The following IPO9 variants were observed in gnomAD, a reference collection of about 807,000 sequenced individuals.
IPO9 encodes the protein importin-9.
Under a neutral mutation model 128.6 loss-of-function variants are expected in IPO9, and 28 were observed. That is an observed-to-expected ratio of 0.22 (90% CI 0.16 to 0.30). The LOEUF is 0.30. Ranked by LOEUF, IPO9 falls within the 10% of genes least tolerant of loss-of-function variation. The pLI, the probability that IPO9 is intolerant of heterozygous loss-of-function variation, is 1.00. For synonymous variants in IPO9, 455 were observed against 475.8 expected (o/e 0.96, Z 0.57); for missense variants, 935 against 1,293.9 (o/e 0.72, Z 4.26).
intron 1 of IPO9, among the ~76,000 whole-genome samples, chr1:201,829,779 C>G (rs922890446): frequency 6.6e-6 from 1 of 152,124 alleles, no homozygotes; most frequent in East Asian, 1.9e-4. Flanking sequence ...GTAGGGGGAG[C>G]TATTAGTAGG....
intron 14 of IPO9, among the ~76,000 whole-genome samples, chr1:201,864,641 T>C (rs576529326): frequency 6.6e-6 from 1 of 152,334 alleles, no homozygotes; most frequent in African/African-American, 2.4e-5. Flanking sequence ...AGGAGTTTGG[T>C]ATGAATGTGA....
chr1:201,875,140 T>C lies in IPO9; in HGVS notation c.2939-12T>C. The C allele has an allele frequency of 1.2e-6, 2 of 1,612,392 alleles. No individual in the cohort carries two copies. The highest frequency in any genetic ancestry group is 1.7e-6 in the Non-Finnish European group (2 of 1,178,394). ...TTGTCCTGACCCGCCCTGTGTTGGC[T>C]ATGTCTAACAGAGGAGGATTACTAC... On this transcript the variant is annotated splice_polypyrimidine_tract_variant and intron_variant, in intron 22 of 23. Transcript: ENST00000361565.
chr1:201,855,003 T>C (rs1359547630), intron 8 of IPO9, 80 bp downstream of exon 8: 3 of 1,355,454 alleles, frequency 2.2e-6, no homozygotes, highest in Non-Finnish European at 3.1e-6. Flanking sequence ...TTCATATGGT[T>C]CCACTCTTCT....
At chr1:201,843,994 A>G (rs753086648) in intron 1 of IPO9, among the ~76,000 whole-genome samples, 28 of 152,146 alleles carry the variant, frequency 1.8e-4, no homozygotes, top group African/African-American at 4.6e-4. Context: ...AAGAATTCCA[A>G]TTAATAAAGT....
In IPO9 at chr1:201,878,801, AAG is replaced by A. The variant is rs939753941; in HGVS notation, c.*2749_*2750del. 2.0e-5 allele frequency: 3 copies of A among 152,236 alleles called. No individual in the cohort carries two copies. Among genetic ancestry groups the A allele is most frequent in the African/African-American group, 7.2e-5 (3 of 41,456 alleles). 9.4% of individuals were successfully genotyped at this position (152,236 alleles called of 1,614,324 possible). A position where few individuals can be genotyped will look rare whatever the true frequency, so the allele number is the denominator to read the frequency against. ...GTGTCCAGTGTCAGCAGGAAGAAAA[AAG>A]ATCTGTTGGAGGCCAGTACATGTTG... is the stretch of plus-strand genomic sequence containing the variant. On this transcript the variant is annotated 3_prime_UTR_variant, in exon 24 of 24. Coordinates refer to ENST00000361565, the MANE Select transcript of IPO9 (RefSeq NM_018085.5).
At chr1:201,848,183 G>A (rs1571543698) in intron 3 of IPO9, among the ~76,000 whole-genome samples, 1 of 152,206 alleles carries the variant, frequency 6.6e-6, no homozygotes, top group African/African-American at 2.4e-5. Flanking sequence ...TAATAGCTAT[G>A]TATAGCTAGT....
intron 1 of IPO9, among the ~76,000 whole-genome samples, chr1:201,843,129 C>T (rs938603566): frequency 6.6e-6 from 1 of 152,192 alleles, no homozygotes; most frequent in African/African-American, 2.4e-5. Context: ...TTCCTCAGTG[C>T]ACCCCCTTCA....
chr1:201,847,770 G>A (rs1172440940), intron 3 of IPO9, 132 bp downstream of exon 3: 1 of 680,778 alleles, frequency 1.5e-6, no homozygotes, highest in Non-Finnish European at 2.6e-6. Flanking sequence ...GGCTGGCATT[G>A]CGGGCATAGG....
At chr1:201,830,654 A>C (rs1679816997) in intron 1 of IPO9, among the ~76,000 whole-genome samples, 1 of 152,250 alleles carries the variant, frequency 6.6e-6, no homozygotes, top group African/African-American at 2.4e-5. Flanking sequence ...TCTAAATAAA[A>C]TTCGTTTATG....
At chr1:201,853,596 G>C (rs2102877801) in intron 6 of IPO9, among the ~76,000 whole-genome samples, 1 of 152,072 alleles carries the variant, frequency 6.6e-6, no homozygotes. Context: ...TGTCACCCAG[G>C]CTGGAATGCA....
At chr1:201,862,995 T>C (rs1380464772) in intron 13 of IPO9, among the ~76,000 whole-genome samples, 1 of 152,094 alleles carries the variant, frequency 6.6e-6, no homozygotes, top group Admixed American at 6.6e-5. Flanking sequence ...TCATACAAGG[T>C]TATGCTTTTT....
chr1:201,869,853 G>T, intron 17 of IPO9, 135 bp downstream of exon 17: 1 of 1,159,240 alleles, frequency 8.6e-7, no homozygotes, highest in Non-Finnish European at 1.2e-6. Flanking sequence ...AGCAGATTCA[G>T]GAAGGGTTCA....
rs1354177183 is a variant in IPO9 at position 201,872,705 on chromosome 1, C to G, written c.2577-123C>G. 1.2e-5 allele frequency: 13 copies of G among 1,107,362 alleles called. No individual in the cohort carries two copies. In the Admixed American group the frequency reaches 3.0e-4, roughly 26 times the overall value. The allele number at this position is 1,107,362 out of a possible 1,614,324, so 68.6% of individuals were successfully genotyped here. ...TTTCAGCTGAACTCTCTTAGCTCTCCTAATTAGTTGTTAACGGAATTTTCA... is the reference window on the plus strand; with the variant it reads ...TTTCAGCTGAACTCTCTTAGCTCTCGTAATTAGTTGTTAACGGAATTTTCA... On this transcript the variant is annotated intron_variant, in intron 19 of 23. Transcript: ENST00000361565.
At chr1:201,863,209 G>T (rs1050450611) in intron 13 of IPO9, among the ~76,000 whole-genome samples, 1 of 151,990 alleles carries the variant, frequency 6.6e-6, no homozygotes, top group Non-Finnish European at 1.5e-5. Context: ...AAAATTAGCC[G>T]GGCATGGTGG....
intron 20 of IPO9, 87 bp downstream of exon 20, chr1:201,873,048 T>A: frequency 1.5e-6 from 2 of 1,376,392 alleles, no homozygotes; most frequent in Non-Finnish European, 1.9e-6. Context: ...CACTGTGGTG[T>A]ATATTTTTAA....
In IPO9 at chr1:201,876,191, CTGA is replaced by C; in HGVS notation, c.*141_*143del. 2.6e-6 allele frequency: 2 copies of C among 761,242 alleles called. No individual in the cohort carries two copies. The highest frequency in any genetic ancestry group is 4.9e-6 in the Non-Finnish European group (2 of 410,654). 47.2% of individuals were successfully genotyped at this position (761,242 alleles called of 1,614,324 possible). ...TTGGCCCTTGGCCTCGGCAGTGACA[CTGA>C]TGACAATTCAGACCAGGCTCACCGG... On this transcript the variant is annotated 3_prime_UTR_variant, in exon 24 of 24. Coordinates refer to ENST00000361565, the MANE Select transcript of IPO9 (RefSeq NM_018085.5).
At chr1:201,872,336 T>C (rs1442053482) in intron 19 of IPO9, among the ~76,000 whole-genome samples, 1 of 152,168 alleles carries the variant, frequency 6.6e-6, no homozygotes, top group Non-Finnish European at 1.5e-5. Context: ...ACCTTAGCTT[T>C]GTTCAAGAAG....
chr1:201,848,919 A>G (rs1157807935), intron 4 of IPO9, among the ~76,000 whole-genome samples: 1 of 152,108 alleles, frequency 6.6e-6, no homozygotes, highest in Non-Finnish European at 1.5e-5. Flanking sequence ...TTCCTTTTAT[A>G]TAAAATTAAG....
intron 9 of IPO9, 100 bp downstream of exon 9, chr1:201,855,282 C>CT (rs2102878921): frequency 1.4e-6 from 1 of 700,038 alleles, no homozygotes; most frequent in South Asian, 1.8e-5. Context: ...AGGCTTCACT[C>CT]TATTAAGTGT....
Sources: gnomAD v4.1 joint callset for allele counts (sites outside exome capture counted in the v4.1 genomes callset) on GRCh38, gnomAD v4.1.1 for gene constraint, MANE v1.5 for transcripts, NCBI Gene and HGNC (gene_info 2026-07-23, HGNC 2026-07-21) for gene names.